NLK: variants seen among roughly 807,000 people sequenced by gnomAD.
NLK encodes the protein nemo like kinase, also known as serine/threonine-protein kinase NLK.
Under a neutral mutation model 59.0 loss-of-function variants are expected in NLK, and 11 were observed. The ratio of observed to expected loss-of-function variants is 0.19; its 90% CI spans 0.12 to 0.31. The LOEUF (loss-of-function observed/expected upper bound fraction) is 0.31. Ranked by LOEUF, NLK falls within the 10% of genes least tolerant of loss-of-function variation. The probability of loss-of-function intolerance (pLI) is 1.00; values close to 1 mark genes in which losing one functional copy is unlikely to be tolerated. For synonymous variants in NLK, 235 were observed against 235.9 expected (o/e 1.00, Z 0.03); for missense variants, 410 against 661.1 (o/e 0.62, Z 4.16).
At chr17:28,095,239 C>T (rs1904659562) in intron 1 of NLK, among the ~76,000 whole-genome samples, 1 of 152,144 alleles carries the variant, frequency 6.6e-6, no homozygotes, top group Non-Finnish European at 1.5e-5. Context: ...AGTCCTCCTG[C>T]TTTATCCCCA....
At chr17:28,151,977 T>G (rs561568712) in intron 3 of NLK, among the ~76,000 whole-genome samples, 11 of 152,352 alleles carry the variant, frequency 7.2e-5, no homozygotes, top group Admixed American at 2.6e-4. Flanking sequence ...TGCTTTATAT[T>G]CATTTTGAAT....
Position 28,131,115 on chromosome 17 carries a change from A to C in NLK, c.589-1505A>C, listed in dbSNP as rs1906497511. ...ACAGGAGGCTTTAATGCATAAAATA[A>C]ATTTTTACTTAAAATTTATAGTGAG... On this transcript the variant is annotated intron_variant, in intron 2 of 10. Transcript: ENST00000407008. Among the ~76,000 whole-genome samples the C allele has an allele frequency of 2.0e-5, 3 of 152,128 alleles. No individual in the cohort carries two copies. The South Asian group carries it at 6.2e-4, about 31-fold the overall frequency.
chr17:28,063,454 C>T (rs1909733282), intron 1 of NLK, among the ~76,000 whole-genome samples: 1 of 151,916 alleles, frequency 6.6e-6, no homozygotes, highest in Non-Finnish European at 1.5e-5. Flanking sequence ...TTCATTTTCT[C>T]ATCTCATTTC....
intron 10 of NLK, 132 bp from the exon 11 acceptor site, chr17:28,194,450 T>C: frequency 1.5e-6 from 1 of 648,772 alleles, no homozygotes; most frequent in Non-Finnish European, 2.6e-6. Context: ...AAATTCAACT[T>C]CAAAGAAACA....
chr17:28,078,732 T>C (rs1163866836), intron 1 of NLK, among the ~76,000 whole-genome samples: 1 of 152,204 alleles, frequency 6.6e-6, no homozygotes, highest in African/African-American at 2.4e-5. Flanking sequence ...TATAGCACTC[T>C]CTCTGTAAAC....
intron 3 of NLK, among the ~76,000 whole-genome samples, chr17:28,142,840 T>C (rs1847170279): frequency 6.6e-6 from 1 of 152,180 alleles, no homozygotes; most frequent in African/African-American, 2.4e-5. Context: ...CTAAGCATGT[T>C]AGTGTTTAAA....
chr17:28,109,756 T>G (rs1248022095), intron 1 of NLK, among the ~76,000 whole-genome samples: 2 of 152,244 alleles, frequency 1.3e-5, no homozygotes, highest in Non-Finnish European at 2.9e-5. Context: ...ACTTTCCAGT[T>G]TTTGACTATT....
intron 3 of NLK, among the ~76,000 whole-genome samples, chr17:28,147,596 C>T (rs750731559): frequency 6.6e-6 from 1 of 152,086 alleles, no homozygotes; most frequent in Non-Finnish European, 1.5e-5. Flanking sequence ...GGTCTTCTTG[C>T]CCATAATCTT....
chr17:28,188,199 G>A (rs138586105), intron 8 of NLK, among the ~76,000 whole-genome samples: 1 of 152,234 alleles, frequency 6.6e-6, no homozygotes, highest in Non-Finnish European at 1.5e-5. Flanking sequence ...GGGAGACAGA[G>A]GGAAACCCTG....
intron 1 of NLK, among the ~76,000 whole-genome samples, chr17:28,091,706 G>T (rs1453600930): frequency 6.6e-6 from 1 of 152,132 alleles, no homozygotes; most frequent in Non-Finnish European, 1.5e-5. Context: ...CGACACTCCA[G>T]TGAGACAGTC....
chr17:28,110,181 T>G lies in NLK; in HGVS notation c.459-12422T>G, dbSNP rs112063979. On this transcript the variant is annotated intron_variant, in intron 1 of 10. Transcript: ENST00000407008. Reference sequence around the variant, plus strand: ...CTTTATGATTCTGTTGTGAATGAAATTGTTTTCTTAAGTTCATCTTTAGAT... The same window carrying G: ...CTTTATGATTCTGTTGTGAATGAAAGTGTTTTCTTAAGTTCATCTTTAGAT... Among the ~76,000 whole-genome samples, 937 of 152,292 alleles carry G rather than the reference T, an allele frequency of 6.2e-3. 11 individuals carry two copies. Among genetic ancestry groups the G allele is most frequent in the African/African-American group, 0.021 (877 of 41,558 alleles).
intron 7 of NLK, among the ~76,000 whole-genome samples, chr17:28,182,073 G>A (rs1048430605): frequency 3.3e-5 from 5 of 152,034 alleles, no homozygotes; most frequent in Non-Finnish European, 5.9e-5. Context: ...GAAATCAGAT[G>A]GTCCAACCCC....
chr17:28,098,863 G>T (rs1904802486), intron 1 of NLK, among the ~76,000 whole-genome samples: 2 of 151,706 alleles, frequency 1.3e-5, no homozygotes, highest in South Asian at 2.1e-4. Flanking sequence ...TTTATTTTTA[G>T]TAGAGACGGG....
intron 1 of NLK, among the ~76,000 whole-genome samples, chr17:28,050,878 G>C (rs1909227765): frequency 6.6e-6 from 1 of 151,994 alleles, no homozygotes; most frequent in Admixed American, 6.6e-5. Flanking sequence ...GCTGAGGTGG[G>C]CATATCACTT....
chr17:28,120,418 A>G (rs1047556539), intron 1 of NLK, among the ~76,000 whole-genome samples: 4 of 151,876 alleles, frequency 2.6e-5, no homozygotes, highest in African/African-American at 9.7e-5. Flanking sequence ...CTGGGTTCAT[A>G]TTTTTTAAGC....
intron 7 of NLK, among the ~76,000 whole-genome samples, chr17:28,174,911 T>G (rs1224399245): frequency 6.6e-6 from 1 of 152,060 alleles, no homozygotes; most frequent in Admixed American, 6.6e-5. Context: ...GGTATTGCCA[T>G]TCATGTTATA....
Position 28,042,740 on chromosome 17 carries a change from C to T in NLK, c.-134C>T. On this transcript the variant is annotated 5_prime_UTR_variant, in exon 1 of 11. Coordinates refer to ENST00000407008, the MANE Select transcript of NLK (RefSeq NM_016231.5). ...AAAATTAAACACCAAGATCCTCTAACTTGTTTGGATTGACTGATGAAGACA... is the reference window on the plus strand; with the variant it reads ...AAAATTAAACACCAAGATCCTCTAATTTGTTTGGATTGACTGATGAAGACA... The T allele has an allele frequency of 8.7e-6, 7 of 803,790 alleles. No individual in the cohort carries two copies. Among genetic ancestry groups the T allele is most frequent in the East Asian group, 2.8e-5 (1 of 35,462 alleles). The allele number at this position is 803,790 out of a possible 1,614,324, so 49.8% of individuals were successfully genotyped here. A position where few individuals can be genotyped will look rare whatever the true frequency, so the allele number is the denominator to read the frequency against.
At chr17:28,106,082 C>T (rs1234035740) in intron 1 of NLK, among the ~76,000 whole-genome samples, 1 of 152,162 alleles carries the variant, frequency 6.6e-6, no homozygotes, top group African/African-American at 2.4e-5. Flanking sequence ...GTATCTAAAG[C>T]ATCCAGATTA....
chr17:28,197,396 G>A (rs368240792), downstream of NLK, among the ~76,000 whole-genome samples: 97 of 151,798 alleles, frequency 6.4e-4, no homozygotes, highest in Non-Finnish European at 9.0e-4. Flanking sequence ...TTGAACCCAG[G>A]AGGTGGAGGT....
Sources: allele counts gnomAD v4.1 joint callset (sites outside exome capture counted in the v4.1 genomes callset), GRCh38; gene constraint gnomAD v4.1.1; transcripts MANE v1.5; gene names NCBI Gene and HGNC (gene_info 2026-07-23, HGNC 2026-07-21).